SCN7A: variants seen among roughly 807,000 people sequenced by gnomAD.
The protein encoded by SCN7A is sodium channel protein type 7 subunit alpha.
SCN7A carries 138 observed loss-of-function variants against 155.2 expected under a neutral mutation model. The ratio of observed to expected loss-of-function variants is 0.89; its 90% confidence interval spans 0.77 to 1.02. The LOEUF is 1.02. Ranked by LOEUF, SCN7A falls within the 50% of genes least tolerant of loss-of-function variation. SCN7A has a pLI of 0.00. For missense variants in SCN7A, 2,058 were observed against 1,986.6 expected, an observed-to-expected ratio of 1.04 and a Z score of -0.68; for synonymous variants, 693 against 649.0, an observed-to-expected ratio of 1.07 and a Z score of -1.03.
chr2:166,414,147 AT>A, intron 21 of SCN7A, among the ~76,000 whole-genome samples: 1 of 68,676 alleles, frequency 1.5e-5, no homozygotes, highest in African/African-American at 6.5e-5. Context: ...GTAAATATAT[AT>A]AAATATATAT....
chr2:166,437,149 A>T (rs935577733), intron 15 of SCN7A, among the ~76,000 whole-genome samples: 13 of 152,190 alleles, frequency 8.5e-5, no homozygotes, highest in Non-Finnish European at 1.3e-4. Context: ...GGAGGAAAAA[A>T]TGGTTTTGGA....
At chr2:166,419,926 A>G (rs1449503141) in intron 20 of SCN7A, among the ~76,000 whole-genome samples, 5 of 152,160 alleles carry the variant, frequency 3.3e-5, no homozygotes, top group Non-Finnish European at 7.4e-5. Context: ...TAATTTCCCA[A>G]CACAAATAAA....
chr2:166,426,183 A>C (rs1372738185), intron 18 of SCN7A, among the ~76,000 whole-genome samples: 1 of 152,130 alleles, frequency 6.6e-6, no homozygotes, highest in African/African-American at 2.4e-5. Flanking sequence ...AAGACGCATT[A>C]TCAGGTGATG....
At chr2:166,461,043 ATTTTCT>A (rs1290791622) in intron 10 of SCN7A, among the ~76,000 whole-genome samples, 5 of 112,330 alleles carry the variant, frequency 4.5e-5, no homozygotes, top group African/African-American at 1.7e-4. Context: ...CACTTGTAAT[ATTTTCT>A]TTTTTTTTTT....
At chr2:166,448,297 T>C (rs1419246545) in intron 11 of SCN7A, among the ~76,000 whole-genome samples, 1 of 152,222 alleles carries the variant, frequency 6.6e-6, no homozygotes, top group Non-Finnish European at 1.5e-5. Flanking sequence ...TTTATTCTTT[T>C]TAATGGCTGA....
intron 21 of SCN7A, among the ~76,000 whole-genome samples, chr2:166,415,732 G>A (rs952413426): frequency 6.6e-6 from 1 of 152,148 alleles, no homozygotes; most frequent in East Asian, 1.9e-4. Context: ...AGCTGAGGAT[G>A]TACGTCACCT....
rs1289649408 is a variant in SCN7A at position 166,466,042 on chromosome 2, T to C, written c.665-55A>G. ...AATGTAATATCTTAGAAAAGCACTA[T>C]TGGCAAACCTCTCCCACAGCAACTG... On this transcript the variant is annotated intron_variant, in intron 7 of 25. Coordinates refer to ENST00000643258, the MANE Select transcript of SCN7A (RefSeq NM_002976.4). 7 of 1,276,870 alleles carry C rather than the reference T, an allele frequency of 5.5e-6. No homozygotes were observed. In the African/African-American group the frequency reaches 7.4e-5, roughly 14 times the overall value. The allele number at this position is 1,276,870 out of a possible 1,614,324, so 79.1% of individuals were successfully genotyped here. A position where few individuals can be genotyped will look rare whatever the true frequency, so the allele number is the denominator to read the frequency against.
chr2:166,406,260 T>C lies in SCN7A; in HGVS notation c.4369A>G (p.Asn1457Asp), dbSNP rs1056877602. Residue 1457 changes from asparagine (N) to aspartate (D), a missense_variant, in exon 26 of 26, where the codon AAC becomes GAC. Coordinates refer to ENST00000643258, the MANE Select transcript of SCN7A (RefSeq NM_002976.4). ...KWSDCDPDKI[N>D]PGTQVRGDCG... ...TCTCCTCTAACTTGAGTCCCAGGGT[T>C]AATTTTATCAGGATCACAGTCAGAC... The C allele has an allele frequency of 3.1e-6, 5 of 1,613,166 alleles. No individual in the cohort carries two copies. The highest frequency in any genetic ancestry group is 1.3e-5 in the African/African-American group (1 of 74,840).
intron 1 of SCN7A, among the ~76,000 whole-genome samples, chr2:166,493,706 G>A (rs1180339067): frequency 1.3e-5 from 2 of 152,176 alleles, no homozygotes; most frequent in African/African-American, 2.4e-5. Context: ...AGAGAATGTT[G>A]GTTTCAGAAG....
chr2:166,486,154 A>T (rs1414441308), intron 2 of SCN7A, among the ~76,000 whole-genome samples: 1 of 152,200 alleles, frequency 6.6e-6, no homozygotes, highest in Admixed American at 6.5e-5. Context: ...GGGACCTCTC[A>T]GAACTAGCTG....
At chr2:166,458,310 CAG>C (rs1210442828) in intron 10 of SCN7A, among the ~76,000 whole-genome samples, 1 of 144,128 alleles carries the variant, frequency 6.9e-6, no homozygotes, top group Non-Finnish European at 1.5e-5. Context: ...GCCTGGGTGA[CAG>C]AGTGACCATG....
intron 7 of SCN7A, among the ~76,000 whole-genome samples, chr2:166,467,322 G>A (rs144074955): frequency 5.4e-4 from 82 of 151,798 alleles, no homozygotes; most frequent in African/African-American, 1.8e-3. Flanking sequence ...TTTAAAATAG[G>A]TGTATTTGCA....
At chr2:166,475,239 A>T (rs1317274131) in intron 3 of SCN7A, among the ~76,000 whole-genome samples, 2 of 148,206 alleles carry the variant, frequency 1.3e-5, no homozygotes, top group Non-Finnish European at 3.0e-5. Flanking sequence ...TGAATATTTT[A>T]TAGCTTACAG....
rs188492143 is a variant in SCN7A, at chr2:166,427,673, T to C, written c.2853+115A>G. The C allele has an allele frequency of 1.2e-3, 990 of 811,462 alleles. 9 individuals carry two copies. The highest frequency in any genetic ancestry group is 6.3e-5 in the Non-Finnish European group (35 of 558,206). The allele number at this position is 811,462 out of a possible 1,614,324, so 50.3% of individuals were successfully genotyped here. On this transcript the variant is annotated intron_variant, in intron 18 of 25. Transcript: ENST00000643258. The stretch of plus-strand genomic sequence containing the variant: ...ACAGATTATGAAATTTGGTGCTATT[T>C]GGTGCTATACTAAATATCCTTGGAA...
intron 7 of SCN7A, among the ~76,000 whole-genome samples, chr2:166,467,397 T>C (rs1702558310): frequency 6.6e-6 from 1 of 151,558 alleles, no homozygotes; most frequent in Admixed American, 6.6e-5. Context: ...TTTTTTCATA[T>C]TGTTTTGTTG....
chr2:166,419,361 CTT>C (rs577713747), intron 20 of SCN7A, among the ~76,000 whole-genome samples: 11 of 134,696 alleles, frequency 8.2e-5, no homozygotes, highest in East Asian at 2.2e-4. Context: ...ATGTGGCTGT[CTT>C]TTTTTTTTTT....
At chr2:166,470,777 T>C in intron 6 of SCN7A, 71 bp from the exon 7 acceptor site, 4 of 1,306,828 alleles carry the variant, frequency 3.1e-6, no homozygotes, top group Non-Finnish European at 4.2e-6. Context: ...CTTTTTATGG[T>C]TATTGAAACT....
chr2:166,482,895 T>G (rs1033163455), intron 2 of SCN7A, among the ~76,000 whole-genome samples: 1 of 152,072 alleles, frequency 6.6e-6, no homozygotes, highest in Non-Finnish European at 1.5e-5. Flanking sequence ...GGGGAATTTA[T>G]GTAATATGGT....
At chr2:166,453,874 T>C (rs1702226006) in intron 11 of SCN7A, among the ~76,000 whole-genome samples, 2 of 152,190 alleles carry the variant, frequency 1.3e-5, no homozygotes, top group South Asian at 4.1e-4. Context: ...TTTTCTAATT[T>C]TTTGTATTTA....
Sources: gnomAD v4.1 joint callset for allele counts (sites outside exome capture counted in the v4.1 genomes callset) on GRCh38, gnomAD v4.1.1 for gene constraint, MANE v1.5 for transcripts, NCBI Gene and HGNC (gene_info 2026-07-23, HGNC 2026-07-21) for gene names.